The following SURF6 variants were observed in gnomAD, a reference collection of about 807,000 sequenced individuals.
SURF6 encodes the protein surfeit 6.
A neutral mutation model predicts 37.5 loss-of-function variants in SURF6; 28 were observed. That is an observed-to-expected ratio of 0.75 (90% confidence interval 0.55 to 1.02). The LOEUF (loss-of-function observed/expected upper bound fraction) is 1.02, where lower values mean the gene tolerates loss of function less well. Among genes scored for constraint, SURF6 ranks in the 50% least tolerant of loss-of-function variants. The probability of loss-of-function intolerance (pLI) is 0.00; values close to 1 mark genes in which losing one functional copy is unlikely to be tolerated. For missense variants in SURF6, 560 were observed against 490.5 expected (o/e 1.14, Z -1.34); for synonymous variants, 248 against 210.9 (o/e 1.18, Z -1.52).
chr9:133,335,336 T>A (rs1490673210), intron 1 of SURF6, among the ~76,000 whole-genome samples: 2 of 149,708 alleles, frequency 1.3e-5, no homozygotes, highest in African/African-American at 4.9e-5. Context: ...AAAAAAAAAT[T>A]TCAAAAAGGA....
rs2129905569 is a variant in SURF6, at chr9:133,330,235, A to G, written c.*1634T>C. 3 of 152,268 alleles carry G rather than the reference A, an allele frequency of 2.0e-5. No individual in the cohort carries two copies. Among genetic ancestry groups the G allele is most frequent in the Admixed American group, 1.3e-4 (2 of 15,284 alleles). The allele number at this position is 152,268 out of a possible 1,614,324, so 9.4% of individuals were successfully genotyped here. ...TTGTGCTGCTTTAGCTCTGTTCCAC[A>G]AATCTTAAATTTTTTCTTTTTGAGA... On this transcript the variant is annotated 3_prime_UTR_variant, in exon 5 of 5. Coordinates refer to ENST00000372022, the MANE Select transcript of SURF6 (RefSeq NM_006753.6).
rs1835754437 is a variant in SURF6 at position 133,332,140 on chromosome 9, T to C, written c.815A>G (p.Asn272Ser). The C allele has an allele frequency of 2.5e-6, 4 of 1,610,644 alleles. No individual in the cohort carries two copies. The highest frequency in any genetic ancestry group is 1.3e-5 in the African/African-American group (1 of 74,884). Residue 272 changes from asparagine to serine, a missense_variant, in exon 5 of 5, where the codon AAC becomes AGC. By Grantham distance (46) the Asn-to-Ser change is conservative (BLOSUM62 1). Transcript: ENST00000372022. The stretch of plus-strand genomic sequence containing the variant: ...CACGCCCTCCGCCTTGTAGAGGAGG[T>C]TGGTCCACTTCATCTTCGCCTCCAG... ...QELEAKMKWT[N>S]LLYKAEGVKI...
intron 3 of SURF6, 40 bp from the exon 4 acceptor site, chr9:133,332,800 TC>T: frequency 2.5e-6 from 4 of 1,589,346 alleles, no homozygotes; most frequent in African/African-American, 1.3e-5. Context: ...GTTCTCTCGA[TC>T]CCAGGGTCCC....
At position 133,331,671 on chromosome 9, in the gene SURF6, A is replaced by G; in HGVS notation, c.*198T>C. On this transcript the variant is annotated 3_prime_UTR_variant, in exon 5 of 5. Coordinates refer to ENST00000372022, the MANE Select transcript of SURF6 (RefSeq NM_006753.6). Reference sequence around the variant, plus strand: ...CTGAAGGTCCCGGATCCTGCGTTCAAGGATGACGCTGAAACTCTCTCTTTC... The same window carrying G: ...CTGAAGGTCCCGGATCCTGCGTTCAGGGATGACGCTGAAACTCTCTCTTTC... 1 of 689,134 alleles carries G rather than the reference A, an allele frequency of 1.5e-6. No homozygotes were observed. The highest frequency in any genetic ancestry group is 2.1e-6 in the Non-Finnish European group (1 of 477,376). 42.7% of individuals were successfully genotyped at this position (689,134 alleles called of 1,614,324 possible).
intron 3 of SURF6, 86 bp downstream of exon 3, chr9:133,333,631 CA>C: frequency 1.6e-6 from 2 of 1,258,122 alleles, no homozygotes; most frequent in South Asian, 2.5e-5. Flanking sequence ...GAGGGGAGAA[CA>C]GGGGCTACGG....
intron 1 of SURF6, 143 bp from the exon 2 acceptor site, chr9:133,334,744 G>A (rs966629994): frequency 1.0e-5 from 10 of 955,954 alleles, no homozygotes; most frequent in Non-Finnish European, 1.5e-5. Flanking sequence ...CTAGAGCTCA[G>A]AACCACAACC....
chr9:133,334,583 G>A lies in SURF6; in HGVS notation c.113C>T (p.Ser38Leu), dbSNP rs143902905. The change falls in exon 2 of 5, where the codon TCA becomes TTA. Residue 38 changes from serine to leucine, a missense_variant. Coordinates refer to ENST00000372022, the MANE Select transcript of SURF6 (RefSeq NM_006753.6). ...ARTRAGKTQG[S>L]ETAGPPKKKR... ...CTTTTTTGGGGGCCCTGCAGTTTCTGAGCCTTGAGTTTTGCCAGCTGAAAT... is the reference window on the plus strand; with the variant it reads ...CTTTTTTGGGGGCCCTGCAGTTTCTAAGCCTTGAGTTTTGCCAGCTGAAAT... 2.7e-5 allele frequency: 44 copies of A among 1,610,282 alleles called. No homozygotes were observed. The highest frequency in any genetic ancestry group is 3.6e-5 in the Non-Finnish European group (43 of 1,179,988).
intron 2 of SURF6, 94 bp from the exon 3 acceptor site, chr9:133,333,900 T>C: frequency 9.7e-7 from 1 of 1,032,712 alleles, no homozygotes; most frequent in Admixed American, 2.0e-5. Context: ...TGGCCACTCA[T>C]GGATCTGCAG....
Position 133,332,596 on chromosome 9 carries a change from C to T in SURF6, c.558G>A (p.Glu186=). The change falls in exon 4 of 5, where the codon GAG becomes GAA. Residue 186 remains glutamate, a synonymous_variant. Coordinates refer to ENST00000372022, the MANE Select transcript of SURF6 (RefSeq NM_006753.6). ...GCTCCCGCGGCTCCGTGCAGGCCCC[C>T]TCTGGGGTTGCCTCCACCACCTCCT... ...EAQEVVEATP[E]GACTEPREPP... is the part of the protein sequence containing the mutation. 6.2e-7 allele frequency: 1 copy of T among 1,610,238 alleles called. No individual in the cohort carries two copies. Among genetic ancestry groups the T allele is most frequent in the Non-Finnish European group, 8.5e-7 (1 of 1,179,996 alleles).
chr9:133,333,125 A>G (rs939936442), intron 3 of SURF6, among the ~76,000 whole-genome samples: 3 of 152,146 alleles, frequency 2.0e-5, no homozygotes, highest in African/African-American at 7.2e-5. Flanking sequence ...CATTCTGTTC[A>G]CGAGGTACCC....
chr9:133,336,030 G>A lies in SURF6; in HGVS notation c.94+9C>T, dbSNP rs1027844033. 2.5e-6 allele frequency: 4 copies of A among 1,609,090 alleles called. No individual in the cohort carries two copies. The African/African-American group carries it at 4.0e-5, about 16-fold the overall frequency. The stretch of plus-strand genomic sequence containing the variant: ...GGCCCCTTAGTCCCGGCCCGGCCCT[G>A]TGCGTTACCCCGCGTGCGCGCCTGC... On this transcript the variant is annotated intron_variant, in intron 1 of 4. Transcript: ENST00000372022.
At chr9:133,333,827 C>A (rs1275231127) in intron 2 of SURF6, 21 bp from the exon 3 acceptor site, 1 of 1,605,652 alleles carries the variant, frequency 6.2e-7, no homozygotes, top group African/African-American at 1.3e-5. Flanking sequence ...GGAGACAGGA[C>A]TGCAGGGGGC....
rs1835872233 is a variant in SURF6 at position 133,336,126 on chromosome 9, A to C, written c.7T>G (p.Ser3Ala). The change falls in exon 1 of 5, where the codon TCT becomes GCT. Residue 3 changes from serine to alanine, a missense_variant. By Grantham distance (99) the Ser-to-Ala change is moderately conservative. Coordinates refer to ENST00000372022, the MANE Select transcript of SURF6 (RefSeq NM_006753.6). MA[S>A]LLAKDAYLQS... Reference sequence around the variant, plus strand: ...AGGTAGGCGTCCTTGGCGAGTAGAGAGGCCATGGCGGAGACCCGGGCCGTT... The same window carrying C: ...AGGTAGGCGTCCTTGGCGAGTAGAGCGGCCATGGCGGAGACCCGGGCCGTT... The C allele has an allele frequency of 6.2e-7, 1 of 1,611,798 alleles. No homozygotes were observed. The highest frequency in any genetic ancestry group is 8.5e-7 in the Non-Finnish European group (1 of 1,179,612).
chr9:133,334,697 GA>G, intron 1 of SURF6, 96 bp from the exon 2 acceptor site: 1 of 1,439,746 alleles, frequency 6.9e-7, no homozygotes, highest in Non-Finnish European at 9.4e-7. Flanking sequence ...GGAAGATGCC[GA>G]AAGAGGATCA....
rs2129913428 is a variant in SURF6 at position 133,331,979 on chromosome 9, G to C, written c.976C>G (p.Arg326Gly). 1 of 1,596,836 alleles carries C rather than the reference G, an allele frequency of 6.3e-7. No individual in the cohort carries two copies. Among genetic ancestry groups the C allele is most frequent in the South Asian group, 1.1e-5 (1 of 90,728 alleles). ...EKMQQRQDRR[R>G]QNLRRKKAAR... ...GCCTTCTTCCTGCGCAGGTTCTGCC[G>C]CCGCCGGTCCTGGCGCTGCTGCATC... The change falls in exon 5 of 5, where the codon CGG becomes GGG. Residue 326 changes from arginine to glycine, a missense_variant. Physicochemically the swap from Arg to Gly is moderately radical, Grantham distance 125. Transcript: ENST00000372022.
intron 2 of SURF6, among the ~76,000 whole-genome samples, chr9:133,334,033 G>T (rs188350649): frequency 1.4e-3 from 209 of 152,218 alleles, no homozygotes; most frequent in African/African-American, 4.9e-3. Context: ...CACTTCCTAC[G>T]GTGCAAGCCA....
rs1235047438 is a variant in SURF6 at position 133,332,426 on chromosome 9, C to T, written c.607-78G>A. On this transcript the variant is annotated intron_variant, in intron 4 of 4. Transcript: ENST00000372022. ...CTTGGCCAGTACCCTAAGGGACCTGCGAGGTCCCCGTCACCACCTTACAGA... is the reference window on the plus strand; with the variant it reads ...CTTGGCCAGTACCCTAAGGGACCTGTGAGGTCCCCGTCACCACCTTACAGA... 5 of 1,527,204 alleles carry T rather than the reference C, an allele frequency of 3.3e-6. No homozygotes were observed. In the South Asian group the frequency reaches 3.8e-5, roughly 12 times the overall value. 94.6% of individuals were successfully genotyped at this position (1,527,204 alleles called of 1,614,324 possible).
rs1254413301 is a variant in SURF6, at chr9:133,332,565, C to G, written c.589G>C (p.Gly197Arg). ...GACTEPREPP[G>R]LIFNKVEVSE... ...CCGCTCACCTTATTGAAGATCAGCC[C>G]GGGCGGCTCCCGCGGCTCCGTGCAG... Residue 197 changes from glycine (G) to arginine (R), a missense_variant, in exon 4 of 5, where the codon GGG becomes CGG. Coordinates refer to ENST00000372022, the MANE Select transcript of SURF6 (RefSeq NM_006753.6). 6 of 1,608,876 alleles carry G rather than the reference C, an allele frequency of 3.7e-6. No homozygotes were observed. Among genetic ancestry groups the G allele is most frequent in the African/African-American group, 1.3e-5 (1 of 74,934 alleles).
chr9:133,328,781 T>C lies in SURF6; in HGVS notation c.*3088A>G, dbSNP rs1296046330. The C allele has an allele frequency of 6.6e-6, 1 of 152,256 alleles. No individual in the cohort carries two copies. Among genetic ancestry groups the C allele is most frequent in the Non-Finnish European group, 1.5e-5 (1 of 68,072 alleles). The allele number at this position is 152,256 out of a possible 1,614,324, so 9.4% of individuals were successfully genotyped here. A position where few individuals can be genotyped will look rare whatever the true frequency, so the allele number is the denominator to read the frequency against. ...CTGAATTAAATCCAGTGTGGCACTT[T>C]GCTAAACTTGGTTTATTATTGTCTA... On this transcript the variant is annotated 3_prime_UTR_variant, in exon 5 of 5. Coordinates refer to ENST00000372022, the MANE Select transcript of SURF6 (RefSeq NM_006753.6).
Sources: gnomAD v4.1 joint callset for allele counts (sites outside exome capture counted in the v4.1 genomes callset) on GRCh38, gnomAD v4.1.1 for gene constraint, MANE v1.5 for transcripts, NCBI Gene and HGNC (gene_info 2026-07-23, HGNC 2026-07-21) for gene names.